Variants in GRM8 observed in about 807,000 individuals in gnomAD.
GRM8 encodes the protein metabotropic glutamate receptor 8.
Under a neutral mutation model 87.2 loss-of-function variants are expected in GRM8, and 47 were observed. That is an observed-to-expected ratio of 0.54 (90% CI 0.43 to 0.69). GRM8 has a LOEUF of 0.69. GRM8 is among the 30% of genes least tolerant of loss of function. The pLI, the probability that GRM8 is intolerant of heterozygous loss-of-function variation, is 0.00. For missense variants in GRM8, 1,019 were observed against 1,139.2 expected, an observed-to-expected ratio of 0.89 and a Z score of 1.52; for synonymous variants, 396 against 404.5, an observed-to-expected ratio of 0.98 and a Z score of 0.25.
intron 6 of GRM8, among the ~76,000 whole-genome samples, chr7:126,831,232 G>A (rs968424489): frequency 1.3e-5 from 2 of 152,188 alleles, no homozygotes; most frequent in Admixed American, 6.5e-5. Context: ...TGCTCTCAAA[G>A]CTGTCAGACA....
intron 3 of GRM8, among the ~76,000 whole-genome samples, chr7:126,923,593 C>T (rs73723527): frequency 0.017 from 2,579 of 152,174 alleles, 65 homozygotes; most frequent in African/African-American, 0.059. Context: ...TCAAGGGCCA[C>T]AAGAAAATGA....
At chr7:126,468,823 C>T (rs1804816335) in intron 9 of GRM8, among the ~76,000 whole-genome samples, 1 of 152,124 alleles carries the variant, frequency 6.6e-6, no homozygotes, top group Non-Finnish European at 1.5e-5. Flanking sequence ...GAATCTCAGG[C>T]AGCATGCTAT....
intron 3 of GRM8, among the ~76,000 whole-genome samples, chr7:127,051,854 C>T (rs1026632968): frequency 2.0e-5 from 3 of 151,342 alleles, no homozygotes; most frequent in African/African-American, 7.3e-5. Flanking sequence ...TTGTGGCATG[C>T]CCACATGTAG....
intron 8 of GRM8, among the ~76,000 whole-genome samples, chr7:126,588,135 C>T (rs994908796): frequency 6.6e-6 from 1 of 152,086 alleles, no homozygotes; most frequent in African/African-American, 2.4e-5. Flanking sequence ...AACATATGTA[C>T]CCATGGCTCT....
At chr7:127,027,932 A>G (rs1816953473) in intron 3 of GRM8, among the ~76,000 whole-genome samples, 1 of 152,124 alleles carries the variant, frequency 6.6e-6, no homozygotes, top group Admixed American at 6.5e-5. Context: ...GAATGACTCC[A>G]GTTTTTGCCC....
At chr7:126,544,121 G>A (rs1816858104) in intron 8 of GRM8, among the ~76,000 whole-genome samples, 1 of 152,042 alleles carries the variant, frequency 6.6e-6, no homozygotes, top group South Asian at 2.1e-4. Context: ...GGCATTATAT[G>A]GTGATTATCT....
chr7:126,539,879 C>T (rs755005403), intron 8 of GRM8, among the ~76,000 whole-genome samples: 8 of 151,806 alleles, frequency 5.3e-5, no homozygotes, highest in Non-Finnish European at 8.8e-5. Flanking sequence ...TCTCTGTGAC[C>T]TTGTGTTAGG....
chr7:126,983,923 A>G (rs946403902), intron 3 of GRM8, among the ~76,000 whole-genome samples: 16 of 152,202 alleles, frequency 1.1e-4, no homozygotes, highest in African/African-American at 3.9e-4. Context: ...CACGTGACCA[A>G]CTGCAGAAAC....
chr7:127,134,327 T>C lies in GRM8; in HGVS notation c.511-27615A>G, dbSNP rs140214876. 7.8e-3 allele frequency among the ~76,000 whole-genome samples: 1,187 copies of C among 152,328 alleles called. 10 individuals are homozygous for C. Among genetic ancestry groups the C allele is most frequent in the African/African-American group, 0.026 (1,097 of 41,570 alleles). On this transcript the variant is annotated intron_variant, in intron 2 of 10. Transcript: ENST00000339582. ...AAAGAAAAGGTGAGAAAATATCTACTATGCTGCAGTAAAGTTGTTCAACAC... is the reference window on the plus strand; with the variant it reads ...AAAGAAAAGGTGAGAAAATATCTACCATGCTGCAGTAAAGTTGTTCAACAC...
chr7:126,868,385 C>T (rs915773093), intron 6 of GRM8, among the ~76,000 whole-genome samples: 1 of 152,194 alleles, frequency 6.6e-6, no homozygotes, highest in African/African-American at 2.4e-5. Context: ...CCCTAGTGAA[C>T]AAGATGCCAC....
intron 8 of GRM8, among the ~76,000 whole-genome samples, chr7:126,556,782 A>C (rs1793196460): frequency 6.6e-6 from 1 of 152,210 alleles, no homozygotes; most frequent in African/African-American, 2.4e-5. Context: ...AAGACTCCAA[A>C]TGTATGTATT....
intron 3 of GRM8, among the ~76,000 whole-genome samples, chr7:126,972,930 T>C (rs908887364): frequency 2.0e-5 from 3 of 152,240 alleles, no homozygotes; most frequent in African/African-American, 4.8e-5. Context: ...GCAAATGCAA[T>C]TTTATTTGTT....
chr7:126,994,140 G>A (rs1302394238), intron 3 of GRM8, among the ~76,000 whole-genome samples: 2 of 152,192 alleles, frequency 1.3e-5, no homozygotes, highest in Admixed American at 6.5e-5. Flanking sequence ...CACCTTGGAT[G>A]CCAGCTAAAC....
intron 7 of GRM8, among the ~76,000 whole-genome samples, chr7:126,631,190 C>T (rs1801217488): frequency 6.6e-6 from 1 of 152,114 alleles, no homozygotes; most frequent in Admixed American, 6.6e-5. Flanking sequence ...TGCAAAGTCT[C>T]ATGATACAAA....
intron 3 of GRM8, among the ~76,000 whole-genome samples, chr7:127,069,715 G>C (rs889238910): frequency 1.3e-5 from 2 of 152,188 alleles, no homozygotes; most frequent in African/African-American, 4.8e-5. Context: ...TACTAAAGGA[G>C]ATAAATATTC....
intron 2 of GRM8, among the ~76,000 whole-genome samples, chr7:127,158,149 A>G (rs1792857492): frequency 6.6e-6 from 1 of 152,164 alleles, no homozygotes; most frequent in Non-Finnish European, 1.5e-5. Flanking sequence ...GTAAACCCAG[A>G]CTTTGTCAGC....
chr7:126,929,374 G>T lies in GRM8; in HGVS notation c.728-24691C>A, dbSNP rs111613137. Among the ~76,000 whole-genome samples, 427 of 152,278 alleles carry T rather than the reference G, an allele frequency of 2.8e-3. 6 individuals carry two copies. The highest frequency in any genetic ancestry group is 9.9e-3 in the African/African-American group (410 of 41,554). ...GCCACTAGCGTCATAGGACAATTGAGCATATGAAATGCAGCTAGAGTGACT... is the reference window on the plus strand; with the variant it reads ...GCCACTAGCGTCATAGGACAATTGATCATATGAAATGCAGCTAGAGTGACT... On this transcript the variant is annotated intron_variant, in intron 3 of 10. Coordinates refer to ENST00000339582, the MANE Select transcript of GRM8 (RefSeq NM_000845.3).
chr7:126,482,054 G>A (rs1806750036), intron 9 of GRM8, among the ~76,000 whole-genome samples: 1 of 152,002 alleles, frequency 6.6e-6, no homozygotes, highest in Non-Finnish European at 1.5e-5. Context: ...CATATAAAAT[G>A]ATGCACAGCA....
intron 6 of GRM8, among the ~76,000 whole-genome samples, chr7:126,873,775 C>T (rs772452254): frequency 2.0e-4 from 30 of 152,140 alleles, no homozygotes; most frequent in Middle Eastern, 3.4e-3. Flanking sequence ...ACATGGCAAC[C>T]TATTGGGCTG....
Sources: gnomAD v4.1 joint callset for allele counts (sites outside exome capture counted in the v4.1 genomes callset) on GRCh38, gnomAD v4.1.1 for gene constraint, MANE v1.5 for transcripts, NCBI Gene and HGNC (gene_info 2026-07-23, HGNC 2026-07-21) for gene names.